RB1CC1: variants seen among roughly 807,000 people sequenced by gnomAD.
RB1CC1 encodes RB1 inducible coiled-coil 1.
Under a neutral mutation model 177.5 loss-of-function variants are expected in RB1CC1, and 46 were observed. The observed-to-expected ratio is 0.26, with a 90% CI of 0.20 to 0.33. The LOEUF is 0.33. Ranked by LOEUF, RB1CC1 falls within the 10% of genes least tolerant of loss-of-function variation. The pLI is 1.00. For synonymous variants in RB1CC1, 666 were observed against 613.6 expected, an observed-to-expected ratio of 1.09 and a Z score of -1.26; for missense variants, 1,703 against 1,816.3, an observed-to-expected ratio of 0.94 and a Z score of 1.13.
At chr8:52,708,302 G>A (rs566674977) in intron 1 of RB1CC1, among the ~76,000 whole-genome samples, 50 of 152,040 alleles carry the variant, frequency 3.3e-4, no homozygotes, top group African/African-American at 1.1e-3. Context: ...GGATCACAAG[G>A]TAAGGAGATC....
At chr8:52,713,758 G>T (rs1022281383) in intron 1 of RB1CC1, among the ~76,000 whole-genome samples, 4 of 152,232 alleles carry the variant, frequency 2.6e-5, no homozygotes, top group African/African-American at 9.6e-5. Context: ...GCAGAGGGAG[G>T]GATCCCAAGG....
chr8:52,645,941 G>T, intron 15 of RB1CC1, 74 bp from the exon 16 acceptor site: 1 of 1,360,262 alleles, frequency 7.4e-7, no homozygotes, highest in Non-Finnish European at 1.0e-6. Context: ...TCATATTTGG[G>T]AAATTTATCT....
chr8:52,653,636 T>C (rs1850824680), intron 15 of RB1CC1, among the ~76,000 whole-genome samples: 1 of 152,140 alleles, frequency 6.6e-6, no homozygotes, highest in African/African-American at 2.4e-5. Flanking sequence ...TGACAGAGTT[T>C]GGGCCCAATG....
chr8:52,688,090 C>T (rs1478450436), intron 1 of RB1CC1, among the ~76,000 whole-genome samples: 1 of 152,214 alleles, frequency 6.6e-6, no homozygotes, highest in East Asian at 1.9e-4. Flanking sequence ...TGTACGTCAT[C>T]TTAGGACCAC....
intron 15 of RB1CC1, among the ~76,000 whole-genome samples, chr8:52,648,295 G>A (rs954154181): frequency 6.6e-6 from 1 of 152,082 alleles, no homozygotes; most frequent in Non-Finnish European, 1.5e-5. Flanking sequence ...TATTAATCCG[G>A]CCAAAAGTAC....
intron 1 of RB1CC1, among the ~76,000 whole-genome samples, chr8:52,702,502 A>G (rs1027076222): frequency 1.3e-5 from 2 of 152,250 alleles, no homozygotes; most frequent in Admixed American, 1.3e-4. Flanking sequence ...GGATCACTTG[A>G]GGTCAGGAGT....
chr8:52,670,809 A>T (rs2150540464), intron 7 of RB1CC1, among the ~76,000 whole-genome samples: 1 of 152,302 alleles, frequency 6.6e-6, no homozygotes, highest in South Asian at 2.1e-4. Context: ...CAACATGGCC[A>T]AACTCTATCT....
At chr8:52,643,050 T>C (rs577595459) in intron 16 of RB1CC1, 1 of 331,752 alleles carries the variant, frequency 3.0e-6, no homozygotes, top group Non-Finnish European at 5.1e-6. Context: ...GTCCATATAT[T>C]TACTGTCAGA....
At chr8:52,679,844 T>C (rs568316882) in intron 5 of RB1CC1, among the ~76,000 whole-genome samples, 1 of 152,094 alleles carries the variant, frequency 6.6e-6, no homozygotes, top group South Asian at 2.1e-4. Context: ...GAAGAAATAA[T>C]ACCTATTTAT....
intron 20 of RB1CC1, among the ~76,000 whole-genome samples, chr8:52,632,343 C>T (rs948342541): frequency 1.3e-5 from 2 of 152,122 alleles, no homozygotes; most frequent in Admixed American, 6.6e-5. Flanking sequence ...CCTCCACTTC[C>T]CTCTGAACGC....
At chr8:52,640,430 T>C (rs1240111462) in intron 18 of RB1CC1, among the ~76,000 whole-genome samples, 1 of 152,264 alleles carries the variant, frequency 6.6e-6, no homozygotes, top group African/African-American at 2.4e-5. Context: ...ATTACTCTAA[T>C]TTGAATGTAC....
rs1851136783 is a variant in RB1CC1 at position 52,657,005 on chromosome 8, G to A, written c.2824C>T (p.His942Tyr). The change falls in exon 15 of 24, where the codon CAC becomes TAC. Residue 942 changes from histidine (H) to tyrosine (Y), a missense_variant. This residue lies in a region of RB1CC1 where 1,169 missense variants were observed against 1,184.7 expected (regional missense o/e 0.99). Coordinates refer to ENST00000025008, the MANE Select transcript of RB1CC1 (RefSeq NM_014781.5). ...QKLLEMENIM[H>Y]SQNCEIKELK... is the part of the protein sequence containing the mutation. ...TCTTTAATTTCACAATTTTGAGAGT[G>A]CATTATATTTTCCATCTCTAACAAC... 6.2e-7 allele frequency: 1 copy of A among 1,613,504 alleles called. No homozygotes were observed. Among genetic ancestry groups the A allele is most frequent in the Non-Finnish European group, 8.5e-7 (1 of 1,179,928 alleles).
rs567208136 is a variant in RB1CC1, at chr8:52,712,387, T to C, written c.-167+1688A>G. Among the ~76,000 whole-genome samples the C allele has an allele frequency of 3.9e-5, 6 of 152,104 alleles. No individual in the cohort carries two copies. In the South Asian group the frequency reaches 1.0e-3, roughly 26 times the overall value. Reference sequence around the variant, plus strand: ...TTTCTCAGGCTAACATAATCAAAATTTAGGTTCAAAATTTCGAAAACAAAA... The same window carrying C: ...TTTCTCAGGCTAACATAATCAAAATCTAGGTTCAAAATTTCGAAAACAAAA... On this transcript the variant is annotated intron_variant, in intron 1 of 23. Coordinates refer to ENST00000025008, the MANE Select transcript of RB1CC1 (RefSeq NM_014781.5).
At chr8:52,658,438 A>G (rs112675383) in intron 13 of RB1CC1, among the ~76,000 whole-genome samples, 4,360 of 152,088 alleles carry the variant, frequency 0.029, 241 homozygotes, top group African/African-American at 0.099. Flanking sequence ...TTAGCAGGGC[A>G]TGGTGGTGGG....
At chr8:52,627,637 G>C (rs952024938) in intron 22 of RB1CC1, among the ~76,000 whole-genome samples, 1 of 152,132 alleles carries the variant, frequency 6.6e-6, no homozygotes, top group Non-Finnish European at 1.5e-5. Context: ...AACATAGGAT[G>C]ATATAGGATA....
chr8:52,667,873 G>A (rs1241301198), intron 8 of RB1CC1, 148 bp downstream of exon 8: 1 of 764,934 alleles, frequency 1.3e-6, no homozygotes. Context: ...ATGCTTTTCT[G>A]TTTTATTACA....
At chr8:52,662,788 CT>C (rs915665925) in intron 8 of RB1CC1, among the ~76,000 whole-genome samples, 75 of 151,784 alleles carry the variant, frequency 4.9e-4, no homozygotes, top group African/African-American at 1.5e-3. Context: ...AACTGTATGC[CT>C]TTTTTTTCCC....
At chr8:52,627,306 C>T (rs1184856719) in intron 22 of RB1CC1, among the ~76,000 whole-genome samples, 1 of 152,164 alleles carries the variant, frequency 6.6e-6, no homozygotes, top group African/African-American at 2.4e-5. Context: ...GAGATCGTGC[C>T]ACCGCACTCC....
intron 1 of RB1CC1, among the ~76,000 whole-genome samples, chr8:52,710,847 T>C (rs1201843606): frequency 6.6e-6 from 1 of 152,160 alleles, no homozygotes; most frequent in Non-Finnish European, 1.5e-5. Context: ...TGCCCAAATC[T>C]GGTATTTGCA....
Sources: gnomAD v4.1 joint callset for allele counts (sites outside exome capture counted in the v4.1 genomes callset) on GRCh38, gnomAD v4.1.1 for gene constraint, gnomAD v4.1.1 regional missense constraint, MANE v1.5 for transcripts, NCBI Gene and HGNC (gene_info 2026-07-23, HGNC 2026-07-21) for gene names.